The following RNF130 variants were observed in gnomAD, a reference collection of about 807,000 sequenced individuals.
The protein encoded by RNF130 is ring finger protein 130.
In RNF130, 21 loss-of-function variants were observed where a neutral mutation model predicts 44.6. The ratio of observed to expected loss-of-function variants is 0.47; its 90% confidence interval spans 0.33 to 0.68. The LOEUF is 0.68. Ranked by LOEUF, RNF130 falls within the 30% of genes least tolerant of loss-of-function variation. The probability of loss-of-function intolerance (pLI) is 0.02; values close to 1 mark genes in which losing one functional copy is unlikely to be tolerated. For synonymous variants in RNF130, 214 were observed against 210.4 expected (o/e 1.02, Z -0.15); for missense variants, 479 against 560.6 (o/e 0.85, Z 1.47).
chr5:180,052,390 G>A (rs1764707376), intron 1 of RNF130, among the ~76,000 whole-genome samples: 1 of 152,154 alleles, frequency 6.6e-6, no homozygotes, highest in Non-Finnish European at 1.5e-5. Flanking sequence ...AATTCCTGTT[G>A]GAAACCAAGT....
chr5:179,958,644 T>C (rs1762260661), intron 8 of RNF130, among the ~76,000 whole-genome samples: 1 of 152,202 alleles, frequency 6.6e-6, no homozygotes, highest in Non-Finnish European at 1.5e-5. Context: ...GCTTTCAAAG[T>C]GTCCCGTGTT....
intron 7 of RNF130, among the ~76,000 whole-genome samples, chr5:179,949,955 C>T (rs1388164929): frequency 1.3e-5 from 2 of 152,180 alleles, no homozygotes; most frequent in Non-Finnish European, 2.9e-5. Context: ...CTATATGATA[C>T]TTTAACTTCT....
intron 1 of RNF130, among the ~76,000 whole-genome samples, chr5:180,059,143 A>G (rs531604442): frequency 6.6e-5 from 10 of 152,212 alleles, no homozygotes; most frequent in Non-Finnish European, 7.4e-5. Context: ...TTCAAATTCC[A>G]CAAGTACATC....
intron 7 of RNF130, among the ~76,000 whole-genome samples, chr5:179,945,304 C>T (rs555762918): frequency 3.0e-4 from 46 of 152,182 alleles, no homozygotes; most frequent in African/African-American, 1.1e-3. Flanking sequence ...AACAGTGGGA[C>T]CCAATGGACC....
At chr5:179,931,032 CAAAAAAAAAAAAAAA>C (rs34266288) in intron 7 of RNF130, among the ~76,000 whole-genome samples, 1 of 74,302 alleles carries the variant, frequency 1.3e-5, no homozygotes, top group Non-Finnish European at 2.6e-5. Context: ...ACCTCTGTCT[CAAAAAAAAAAAAAAA>C]AAAAAAAAAA....
At chr5:179,994,473 T>C (rs1403612512) in intron 3 of RNF130, among the ~76,000 whole-genome samples, 6 of 152,210 alleles carry the variant, frequency 3.9e-5, no homozygotes, top group Non-Finnish European at 5.9e-5. Context: ...TTTGAAGCAA[T>C]TGTGAATGGG....
At chr5:179,934,669 A>G (rs1761862847) in intron 7 of RNF130, among the ~76,000 whole-genome samples, 1 of 150,556 alleles carries the variant, frequency 6.6e-6, no homozygotes, top group Non-Finnish European at 1.5e-5. Context: ...TCAGCCTCCC[A>G]AGTAGCCAGA....
intron 1 of RNF130, among the ~76,000 whole-genome samples, chr5:180,060,610 G>A (rs537258291): frequency 9.2e-5 from 14 of 152,124 alleles, no homozygotes; most frequent in Non-Finnish European, 1.3e-4. Context: ...CTAACTTAGC[G>A]CAGGGATTCT....
rs143687854 is a variant in RNF130 at position 179,994,637 on chromosome 5, T to C, written c.694-14437A>G. Among the ~76,000 whole-genome samples the C allele has an allele frequency of 5.2e-3, 797 of 152,314 alleles. 5 individuals are homozygous for C. Among genetic ancestry groups the C allele is most frequent in the African/African-American group, 0.018 (751 of 41,564 alleles). ...TTAGTGTGGTGGCTTTCTCAAATGC[T>C]GGTTACAGTAGTGGTGTATCGGGTG... On this transcript the variant is annotated intron_variant, in intron 3 of 8. Transcript: ENST00000521389.
chr5:179,992,862 T>C (rs1269331473), intron 3 of RNF130, among the ~76,000 whole-genome samples: 1 of 152,206 alleles, frequency 6.6e-6, no homozygotes, highest in East Asian at 1.9e-4. Flanking sequence ...CTCCTAATGC[T>C]ATCCCTCCCT....
chr5:179,985,277 T>C (rs1004456004), intron 3 of RNF130, among the ~76,000 whole-genome samples: 1 of 151,648 alleles, frequency 6.6e-6, no homozygotes, highest in Non-Finnish European at 1.5e-5. Context: ...CATAGAAATC[T>C]TTTGTTTAGA....
chr5:179,965,838 T>C (rs1211845527), intron 7 of RNF130, among the ~76,000 whole-genome samples: 1 of 152,158 alleles, frequency 6.6e-6, no homozygotes, highest in Non-Finnish European at 1.5e-5. Flanking sequence ...GTTAAAAACA[T>C]GAATACTTTG....
intron 7 of RNF130, among the ~76,000 whole-genome samples, chr5:179,921,175 T>A (rs890708012): frequency 2.0e-5 from 3 of 152,196 alleles, no homozygotes; most frequent in Non-Finnish European, 4.4e-5. Flanking sequence ...TTTGGTGAGT[T>A]CTGACAGCTG....
chr5:179,997,727 A>G (rs1763237797), intron 3 of RNF130, among the ~76,000 whole-genome samples: 1 of 152,154 alleles, frequency 6.6e-6, no homozygotes, highest in South Asian at 2.1e-4. Flanking sequence ...TTGGCCTCCC[A>G]AAGTGCTGGG....
intron 3 of RNF130, among the ~76,000 whole-genome samples, chr5:180,011,372 T>C (rs1763592727): frequency 6.6e-6 from 1 of 152,230 alleles, no homozygotes; most frequent in South Asian, 2.1e-4. Context: ...ACACTATGGT[T>C]ATGTAAGAGA....
chr5:179,920,968 C>T (rs1008895780), intron 7 of RNF130, among the ~76,000 whole-genome samples: 4 of 151,772 alleles, frequency 2.6e-5, no homozygotes, highest in Non-Finnish European at 4.4e-5. Context: ...TCCTAACCCC[C>T]GCACCCAAAT....
intron 2 of RNF130, among the ~76,000 whole-genome samples, chr5:180,030,719 C>A (rs1764114262): frequency 6.6e-6 from 1 of 152,220 alleles, no homozygotes; most frequent in Non-Finnish European, 1.5e-5. Context: ...CTACCCTACA[C>A]AGCCACTAAT....
intron 3 of RNF130, among the ~76,000 whole-genome samples, chr5:180,001,896 G>A (rs1431463221): frequency 6.6e-6 from 1 of 152,192 alleles, no homozygotes; most frequent in African/African-American, 2.4e-5. Context: ...CGGCCTGTAA[G>A]GGCAAGGTGT....
chr5:180,001,167 G>C (rs752860067), intron 3 of RNF130, among the ~76,000 whole-genome samples: 1 of 152,190 alleles, frequency 6.6e-6, no homozygotes, highest in Non-Finnish European at 1.5e-5. Context: ...TGCCTCAGTG[G>C]TATAAGCTGT....
Sources: gnomAD v4.1 joint callset for allele counts (sites outside exome capture counted in the v4.1 genomes callset) on GRCh38, gnomAD v4.1.1 for gene constraint, MANE v1.5 for transcripts, NCBI Gene and HGNC (gene_info 2026-07-23, HGNC 2026-07-21) for gene names.